LY6S: variants seen among roughly 807,000 people sequenced by gnomAD.
LY6S encodes lymphocyte antigen 6 family member S.
At chr8:143,044,890 A>T in the LY6S span, 46 of 1,208,002 alleles carry the variant, frequency 3.8e-5, no homozygotes, top group Non-Finnish European at 4.7e-5. Context: ...AAGGGCACCC[A>T]CTCTCACCAC....
the LY6S span, among the ~76,000 whole-genome samples, chr8:143,070,489 A>ATT: frequency 1.0e-3 from 82 of 81,696 alleles, 7 homozygotes; most frequent in Middle Eastern, 0.014. Flanking sequence ...ATATATATAT[A>ATT]TTTTTTTTTT....
the LY6S span, chr8:143,057,120 T>C: frequency 1.2e-5 from 4 of 347,200 alleles, no homozygotes; most frequent in Non-Finnish European, 2.3e-5. Context: ...GGAAAGTGTA[T>C]ATATAGGGCC....
At chr8:143,059,985 A>G in the LY6S span, 1 of 152,268 alleles carries the variant, frequency 6.6e-6, no homozygotes, top group East Asian at 1.9e-4. Context: ...ATATATGAAT[A>G]TTATCAATCA....
At chr8:143,059,568 G>A in the LY6S span, 1 of 152,128 alleles carries the variant, frequency 6.6e-6, no homozygotes, top group African/African-American at 2.4e-5. Flanking sequence ...CGTCTTGTAG[G>A]TTTATAATAT....
the LY6S span, among the ~76,000 whole-genome samples, chr8:143,060,437 G>T: frequency 6.6e-6 from 1 of 152,238 alleles, no homozygotes; most frequent in African/African-American, 2.4e-5. Flanking sequence ...AGCAGAATTA[G>T]TGAAAGTATT....
At chr8:143,048,041 G>C in the LY6S span, 2 of 152,182 alleles carry the variant, frequency 1.3e-5, no homozygotes, top group Non-Finnish European at 2.9e-5. Flanking sequence ...GACAAGAATG[G>C]AGGCCTCACA....
the LY6S span, chr8:143,042,950 C>T: frequency 7.7e-7 from 1 of 1,303,362 alleles, no homozygotes; most frequent in Non-Finnish European, 1.0e-6. Context: ...GGATATGTTC[C>T]CTGACAGGGA....
At chr8:143,070,882 C>T in the LY6S span, among the ~76,000 whole-genome samples, 1 of 152,118 alleles carries the variant, frequency 6.6e-6, no homozygotes, top group South Asian at 2.1e-4. Context: ...AATTAACAGA[C>T]TTAGTATTTA....
the LY6S span, among the ~76,000 whole-genome samples, chr8:143,074,100 G>A: frequency 1.3e-5 from 2 of 152,204 alleles, no homozygotes; most frequent in Non-Finnish European, 2.9e-5. Flanking sequence ...TGATTATGAT[G>A]TGACTAAATA....
At chr8:143,050,698 G>T in the LY6S span, among the ~76,000 whole-genome samples, 4 of 152,270 alleles carry the variant, frequency 2.6e-5, no homozygotes, top group African/African-American at 9.6e-5. Context: ...TCGTTCCAGG[G>T]TTGCAACATG....
chr8:143,054,047 C>T, the LY6S span: 1 of 152,234 alleles, frequency 6.6e-6, no homozygotes, highest in Non-Finnish European at 1.5e-5. Context: ...TGGCTAACGC[C>T]TGTAATCCCA....
the LY6S span, among the ~76,000 whole-genome samples, chr8:143,063,222 C>T: frequency 6.6e-6 from 1 of 152,242 alleles, no homozygotes; most frequent in Non-Finnish European, 1.5e-5. Context: ...TATATAATTT[C>T]ATAGGGACTT....
chr8:143,052,122 AT>A, the LY6S span, among the ~76,000 whole-genome samples: 4 of 151,930 alleles, frequency 2.6e-5, no homozygotes. Context: ...TCTACTAAAA[AT>A]ACAAAAAATT....
chr8:143,048,351 C>T, the LY6S span, among the ~76,000 whole-genome samples: 2 of 152,220 alleles, frequency 1.3e-5, no homozygotes, highest in East Asian at 1.9e-4. Flanking sequence ...CTTGGTTTCA[C>T]GCCTTTCTGG....
the LY6S span, among the ~76,000 whole-genome samples, chr8:143,072,928 T>C: frequency 2.1e-3 from 151 of 73,192 alleles, 1 homozygote; most frequent in African/African-American, 7.4e-3. Context: ...ATCCCCGGGG[T>C]TCCTGTTTGA....
chr8:143,068,568 A>G, the LY6S span, among the ~76,000 whole-genome samples: 1 of 152,146 alleles, frequency 6.6e-6, no homozygotes, highest in Non-Finnish European at 1.5e-5. Flanking sequence ...CCAAGAGCCA[A>G]TTAAACCTCT....
the LY6S span, among the ~76,000 whole-genome samples, chr8:143,072,821 C>T: frequency 1.4e-5 from 2 of 137,954 alleles, no homozygotes; most frequent in Admixed American, 7.1e-5. Flanking sequence ...CCGTCGTCCT[C>T]GGGATTCCTG....
chr8:143,071,365 G>A, the LY6S span, among the ~76,000 whole-genome samples: 1 of 152,182 alleles, frequency 6.6e-6, no homozygotes, highest in African/African-American at 2.4e-5. Flanking sequence ...TTAAGGCCCT[G>A]AAACGATTCT....
the LY6S span, chr8:143,044,791 A>G: frequency 2.9e-6 from 4 of 1,367,234 alleles, no homozygotes; most frequent in Non-Finnish European, 3.9e-6. Context: ...GTAGCAGCGC[A>G]GACCCTGAGC....
Sources: gnomAD v4.1 joint callset for allele counts (sites outside exome capture counted in the v4.1 genomes callset) on GRCh38, gnomAD v4.1.1 for gene constraint, MANE v1.5 for transcripts, NCBI Gene and HGNC (gene_info 2026-07-23, HGNC 2026-07-21) for gene names.